Variants in SPAG16 observed in about 807,000 individuals in gnomAD.
SPAG16 encodes the protein sperm-associated antigen 16 protein.
In SPAG16, 86 loss-of-function variants were observed where a neutral mutation model predicts 80.4. The ratio of observed to expected loss-of-function variants is 1.07; its 90% CI spans 0.90 to 1.28. The LOEUF (loss-of-function observed/expected upper bound fraction) is 1.28, where lower values mean the gene tolerates loss of function less well. SPAG16 is among the 50% of genes most tolerant of loss of function. The pLI, the probability that SPAG16 is intolerant of heterozygous loss-of-function variation, is 0.00. For missense variants in SPAG16, 870 were observed against 765.3 expected (o/e 1.14, Z -1.61); for synonymous variants, 294 against 265.9 (o/e 1.11, Z -1.03).
intron 9 of SPAG16, among the ~76,000 whole-genome samples, chr2:213,446,231 A>G (rs1454436308): frequency 2.0e-5 from 3 of 152,226 alleles, no homozygotes; most frequent in African/African-American, 7.2e-5. Flanking sequence ...CTCCTCAGCG[A>G]TGGTTCATAA....
intron 15 of SPAG16, among the ~76,000 whole-genome samples, chr2:214,357,151 C>T (rs11676777): frequency 0.49 from 74,358 of 151,688 alleles, 21,845 homozygotes; most frequent in South Asian, 0.67. Flanking sequence ...TCTTTGGCTA[C>T]TTTATGATCT....
chr2:213,537,982 C>A (rs16850449), intron 10 of SPAG16, among the ~76,000 whole-genome samples: 1 of 152,020 alleles, frequency 6.6e-6, no homozygotes, highest in South Asian at 2.1e-4. Context: ...TTCAATCATT[C>A]GTGTATTAGT....
chr2:214,176,486 G>A (rs73987195), intron 15 of SPAG16, among the ~76,000 whole-genome samples: 7,817 of 150,946 alleles, frequency 0.052, 697 homozygotes, highest in African/African-American at 0.18. Context: ...GCTACTAAGC[G>A]GTCTTTCAAA....
chr2:213,872,884 T>C (rs2076005845), intron 11 of SPAG16, among the ~76,000 whole-genome samples: 2 of 152,158 alleles, frequency 1.3e-5, no homozygotes, highest in Admixed American at 1.3e-4. Context: ...GCCTATTACA[T>C]TGATTTTTGT....
chr2:213,308,596 G>A (rs1015290781), intron 3 of SPAG16, among the ~76,000 whole-genome samples: 2 of 152,080 alleles, frequency 1.3e-5, no homozygotes, highest in African/African-American at 4.8e-5. Flanking sequence ...ACTTATATAG[G>A]CAGAAACAGA....
chr2:214,129,496 G>A (rs2125490273), intron 14 of SPAG16, among the ~76,000 whole-genome samples: 1 of 152,226 alleles, frequency 6.6e-6, no homozygotes, highest in South Asian at 2.1e-4. Flanking sequence ...ATTGTGACTG[G>A]AAGTCTTTTT....
intron 8 of SPAG16, among the ~76,000 whole-genome samples, chr2:213,370,026 T>C (rs571546403): frequency 6.6e-6 from 1 of 152,322 alleles, no homozygotes; most frequent in Non-Finnish European, 1.5e-5. Context: ...ATCACTGCCC[T>C]AAAAACCTTT....
At chr2:213,829,794 C>T (rs1440334412) in intron 10 of SPAG16, among the ~76,000 whole-genome samples, 1 of 152,168 alleles carries the variant, frequency 6.6e-6, no homozygotes, top group Non-Finnish European at 1.5e-5. Context: ...CTAGAAATGT[C>T]ATGCAGGAAT....
Position 214,197,707 on chromosome 2 carries a change from G to A in SPAG16, c.1720+48441G>A, listed in dbSNP as rs991688211. ...TTTGTTTCATCAGAGTTCTACTTCT[G>A]TTATTTACATTTTGGTACTTTTCAT... On this transcript the variant is annotated intron_variant, in intron 15 of 15. Coordinates refer to ENST00000331683, the MANE Select transcript of SPAG16 (RefSeq NM_024532.5). Among the ~76,000 whole-genome samples the A allele has an allele frequency of 1.2e-4, 18 of 151,824 alleles. 1 individual carries two copies. The highest frequency in any genetic ancestry group is 2.4e-5 in the African/African-American group (1 of 41,366).
chr2:213,833,765 C>T (rs958016194), intron 10 of SPAG16, among the ~76,000 whole-genome samples: 4 of 147,858 alleles, frequency 2.7e-5, no homozygotes, highest in African/African-American at 1.0e-4. Context: ...CTTCTATATA[C>T]ATCTCCCATG....
intron 15 of SPAG16, among the ~76,000 whole-genome samples, chr2:214,299,236 T>G (rs946010719): frequency 1.4e-5 from 2 of 145,782 alleles, no homozygotes; most frequent in Non-Finnish European, 3.0e-5. Flanking sequence ...AAAACAAGTG[T>G]AGTATACTTT....
chr2:213,738,528 G>A (rs2067396760), intron 10 of SPAG16, among the ~76,000 whole-genome samples: 1 of 152,046 alleles, frequency 6.6e-6, no homozygotes, highest in African/African-American at 2.4e-5. Context: ...TGAATGTTGA[G>A]AAGTACCACT....
chr2:214,349,594 G>T (rs1237774166), intron 15 of SPAG16, among the ~76,000 whole-genome samples: 1 of 152,126 alleles, frequency 6.6e-6, no homozygotes, highest in Non-Finnish European at 1.5e-5. Context: ...TGGTATAAAT[G>T]CATGGAATTG....
intron 12 of SPAG16, among the ~76,000 whole-genome samples, chr2:213,974,945 C>T (rs1199845060): frequency 1.9e-5 from 2 of 107,052 alleles, no homozygotes; most frequent in Non-Finnish European, 3.4e-5. Context: ...AGTAAGATGT[C>T]GTTAAAAAAA....
chr2:213,905,040 C>T (rs943574240), intron 11 of SPAG16, among the ~76,000 whole-genome samples: 1 of 152,130 alleles, frequency 6.6e-6, no homozygotes, highest in African/African-American at 2.4e-5. Context: ...GAAGACCAGT[C>T]TGGAAGCTAC....
intron 6 of SPAG16, 90 bp from the exon 7 acceptor site, chr2:213,350,438 A>T: frequency 9.4e-6 from 6 of 639,186 alleles, no homozygotes; most frequent in Non-Finnish European, 1.3e-5. Flanking sequence ...ACAGCAAAAA[A>T]GAAAAAGAAA....
chr2:214,334,019 T>C (rs962434602), intron 15 of SPAG16, among the ~76,000 whole-genome samples: 1 of 152,122 alleles, frequency 6.6e-6, no homozygotes, highest in Non-Finnish European at 1.5e-5. Flanking sequence ...TACAGGAGAG[T>C]GCTCCCATAT....
intron 10 of SPAG16, among the ~76,000 whole-genome samples, chr2:213,854,428 C>T (rs1338467154): frequency 6.6e-6 from 1 of 152,080 alleles, no homozygotes; most frequent in Non-Finnish European, 1.5e-5. Flanking sequence ...CTCAAATGCC[C>T]TGATGGATCA....
intron 15 of SPAG16, among the ~76,000 whole-genome samples, chr2:214,193,600 A>G (rs1213693576): frequency 3.3e-5 from 5 of 151,964 alleles, no homozygotes; most frequent in Non-Finnish European, 7.4e-5. Flanking sequence ...TTCTGAATCC[A>G]GTTCATCATC....
Sources: gnomAD v4.1 joint callset for allele counts (sites outside exome capture counted in the v4.1 genomes callset) on GRCh38, gnomAD v4.1.1 for gene constraint, MANE v1.5 for transcripts, NCBI Gene and HGNC (gene_info 2026-07-23, HGNC 2026-07-21) for gene names.